Variants in ANGEL1 observed in about 807,000 individuals in gnomAD.
ANGEL1 encodes angel homolog 1.
Under a neutral mutation model 76.4 loss-of-function variants are expected in ANGEL1, and 62 were observed. That is an observed-to-expected ratio of 0.81 (90% CI 0.66 to 1.00). The LOEUF (loss-of-function observed/expected upper bound fraction) is 1.00, where lower values mean the gene tolerates loss of function less well. Ranked by LOEUF, ANGEL1 falls within the 50% of genes least tolerant of loss-of-function variation. The probability of loss-of-function intolerance (pLI) is 0.00; values close to 1 mark genes in which losing one functional copy is unlikely to be tolerated. For missense variants in ANGEL1, 737 were observed against 836.7 expected (o/e 0.88, Z 1.47); for synonymous variants, 340 against 331.7 (o/e 1.03, Z -0.27).
intron 1 of ANGEL1, among the ~76,000 whole-genome samples, chr14:76,811,882 GACAC>G (rs887601137): frequency 3.3e-5 from 5 of 152,156 alleles, no homozygotes; most frequent in Non-Finnish European, 7.3e-5. Flanking sequence ...TATTATCAAT[GACAC>G]ACACATTGCG....
At chr14:76,801,013 G>A (rs1292347756) in intron 7 of ANGEL1, among the ~76,000 whole-genome samples, 3 of 151,218 alleles carry the variant, frequency 2.0e-5, no homozygotes, top group Non-Finnish European at 4.4e-5. Flanking sequence ...ATCACCGTTA[G>A]GCTTCAAAGT....
chr14:76,795,550 T>G, intron 7 of ANGEL1, among the ~76,000 whole-genome samples: 1 of 152,240 alleles, frequency 6.6e-6, no homozygotes, highest in East Asian at 1.9e-4. Flanking sequence ...CTCTCTGTGC[T>G]TTGTAACAAT....
Position 76,789,067 on chromosome 14 carries a change from G to A in ANGEL1, c.*161C>T, listed in dbSNP as rs1399964135. Reference sequence around the variant, plus strand: ...GGACCACAGGCAGAGAACGCAGCCAGGCCTGGAGAAAGTCTAACCGTGGGA... The same window carrying A: ...GGACCACAGGCAGAGAACGCAGCCAAGCCTGGAGAAAGTCTAACCGTGGGA... On this transcript the variant is annotated 3_prime_UTR_variant, in exon 10 of 10. Transcript: ENST00000251089. 8.1e-6 allele frequency: 8 copies of A among 982,754 alleles called. No homozygotes were observed. The Admixed American group carries it at 1.4e-4, about 17-fold the overall frequency. The allele number at this position is 982,754 out of a possible 1,614,324, so 60.9% of individuals were successfully genotyped here.
chr14:76,790,450 A>G (rs888799338), intron 9 of ANGEL1, among the ~76,000 whole-genome samples, 161 bp downstream of exon 9: 8 of 152,184 alleles, frequency 5.3e-5, no homozygotes, highest in African/African-American at 1.4e-4. Context: ...CAAGTGGCCT[A>G]TGGGGAGAAT....
intron 5 of ANGEL1, 44 bp downstream of exon 5, chr14:76,806,372 C>G: frequency 6.3e-7 from 1 of 1,576,140 alleles, no homozygotes; most frequent in South Asian, 1.2e-5. Context: ...CTGAATCTCT[C>G]TTAGACCATG....
chr14:76,791,003 T>C (rs1894389311), intron 8 of ANGEL1, among the ~76,000 whole-genome samples: 1 of 152,092 alleles, frequency 6.6e-6, no homozygotes, highest in Admixed American at 6.5e-5. Context: ...CACTATCTGC[T>C]TGTTACCTGG....
At chr14:76,790,798 T>C (rs1426309654) in intron 8 of ANGEL1, 24 bp from the exon 9 acceptor site, 2 of 1,545,252 alleles carry the variant, frequency 1.3e-6, no homozygotes, top group Non-Finnish European at 1.7e-6. Flanking sequence ...GGGGGAAACA[T>C]TAGTTAACAA....
intron 1 of ANGEL1, chr14:76,812,200 A>G: frequency 1.0e-6 from 1 of 979,504 alleles, no homozygotes; most frequent in Non-Finnish European, 1.2e-6. Flanking sequence ...GAATGCTCCA[A>G]AGCTGAGATC....
chr14:76,803,659 T>C (rs1319966590), intron 6 of ANGEL1, 127 bp downstream of exon 6: 20 of 1,426,644 alleles, frequency 1.4e-5, no homozygotes, highest in Middle Eastern at 2.5e-4. Flanking sequence ...ATTGGGAGGA[T>C]AGTGAGAAAA....
At chr14:76,799,969 A>G (rs899207446) in intron 7 of ANGEL1, among the ~76,000 whole-genome samples, 3 of 151,976 alleles carry the variant, frequency 2.0e-5, no homozygotes, top group Non-Finnish European at 2.9e-5. Context: ...CCTGGGTAGG[A>G]GCATTGAACA....
At chr14:76,789,541 A>C (rs1206352528) in intron 9 of ANGEL1, among the ~76,000 whole-genome samples, 153 bp from the exon 10 acceptor site, 8 of 152,150 alleles carry the variant, frequency 5.3e-5, no homozygotes, top group African/African-American at 9.7e-5. Context: ...CTGGCTGAGG[A>C]GGCCCCATTT....
chr14:76,799,533 T>G (rs1396577799), intron 7 of ANGEL1, among the ~76,000 whole-genome samples: 1 of 152,006 alleles, frequency 6.6e-6, no homozygotes. Flanking sequence ...GACCTCATGA[T>G]CCGCCCGCCT....
At chr14:76,798,066 GAGA>G (rs1894636166) in intron 7 of ANGEL1, among the ~76,000 whole-genome samples, 1 of 151,244 alleles carries the variant, frequency 6.6e-6, no homozygotes, top group South Asian at 2.1e-4. Context: ...TTCTACCACT[GAGA>G]AGATGATGCT....
In ANGEL1 at chr14:76,789,247, A is replaced by T; in HGVS notation, c.1994T>A (p.Met665Lys). 1 of 1,614,226 alleles carries T rather than the reference A, an allele frequency of 6.2e-7. No individual in the cohort carries two copies. Among genetic ancestry groups the T allele is most frequent in the Non-Finnish European group, 8.5e-7 (1 of 1,180,024 alleles). Residue 665 changes from methionine to lysine, a missense_variant, in exon 10 of 10, where the codon ATG becomes AAG. Coordinates refer to ENST00000251089, the MANE Select transcript of ANGEL1 (RefSeq NM_015305.4). ...GCCCTGTCATGGGGCGGTGACTTCC[A>T]TCCCGAAGCTGGCTAGCAGGCAGAG... ...DHLCLLASFG[M>K]EVTAP
At chr14:76,793,442 GGGA>G (rs1894479922) in intron 7 of ANGEL1, among the ~76,000 whole-genome samples, 1 of 123,796 alleles carries the variant, frequency 8.1e-6, no homozygotes, top group Non-Finnish European at 1.8e-5. Context: ...GGAGGAGGAG[GGGA>G]GGAGAAGGAA....
intron 7 of ANGEL1, among the ~76,000 whole-genome samples, chr14:76,791,657 T>G (rs1894409338): frequency 6.6e-6 from 1 of 152,132 alleles, no homozygotes; most frequent in Non-Finnish European, 1.5e-5. Context: ...TGGTACAAAA[T>G]CAAAATGTAG....
intron 7 of ANGEL1, among the ~76,000 whole-genome samples, chr14:76,800,852 A>G (rs1236069695): frequency 6.6e-6 from 1 of 152,070 alleles, no homozygotes; most frequent in East Asian, 1.9e-4. Flanking sequence ...GCATGCCCAG[A>G]GCCCCAGCTA....
At chr14:76,795,288 T>C (rs904469509) in intron 7 of ANGEL1, among the ~76,000 whole-genome samples, 1 of 152,220 alleles carries the variant, frequency 6.6e-6, no homozygotes, top group Admixed American at 6.5e-5. Flanking sequence ...CACATATATA[T>C]AAAATTATAT....
At chr14:76,803,307 T>TAAC (rs1894819127) in intron 7 of ANGEL1, 64 bp downstream of exon 7, 3 of 1,331,096 alleles carry the variant, frequency 2.3e-6, no homozygotes, top group East Asian at 2.3e-5. Flanking sequence ...GGAAACCACA[T>TAAC]AACTGACCAA....
Sources: gnomAD v4.1 joint callset for allele counts (sites outside exome capture counted in the v4.1 genomes callset) on GRCh38, gnomAD v4.1.1 for gene constraint, MANE v1.5 for transcripts, NCBI Gene and HGNC (gene_info 2026-07-23, HGNC 2026-07-21) for gene names.